The following CD2AP variants were observed in gnomAD, a reference collection of about 807,000 sequenced individuals.
CD2AP encodes the protein CD2-associated protein.
CD2AP carries 46 observed loss-of-function variants against 85.1 expected under a neutral mutation model. The observed-to-expected ratio is 0.54, with a 90% CI of 0.43 to 0.69. CD2AP has a LOEUF of 0.69. CD2AP is among the 30% of genes least tolerant of loss of function. The pLI, the probability that CD2AP is intolerant of heterozygous loss-of-function variation, is 0.00. For synonymous variants in CD2AP, 255 were observed against 252.9 expected (o/e 1.01, Z -0.08); for missense variants, 769 against 729.5 (o/e 1.05, Z -0.62).
intron 2 of CD2AP, among the ~76,000 whole-genome samples, chr6:47,527,595 A>G (rs1040138763): frequency 6.6e-6 from 1 of 152,200 alleles, no homozygotes; most frequent in African/African-American, 2.4e-5. Flanking sequence ...ATGAATTGAT[A>G]TGCTAGCTTG....
chr6:47,535,691 CTGA>C (rs1182008918), intron 3 of CD2AP, among the ~76,000 whole-genome samples: 3 of 152,166 alleles, frequency 2.0e-5, no homozygotes, highest in African/African-American at 4.8e-5. Flanking sequence ...TTCAGCAGTT[CTGA>C]TGATGATGAA....
intron 2 of CD2AP, among the ~76,000 whole-genome samples, chr6:47,515,482 T>C (rs1300756258): frequency 6.6e-6 from 1 of 152,226 alleles, no homozygotes. Flanking sequence ...TTCTCATGTC[T>C]TTGAAAATTA....
chr6:47,576,428 T>A lies in CD2AP; in HGVS notation c.730-96T>A, dbSNP rs1439144582. 3 of 844,650 alleles carry A rather than the reference T, an allele frequency of 3.6e-6. No homozygotes were observed. In the Admixed American group the frequency reaches 5.2e-5, roughly 15 times the overall value. The allele number at this position is 844,650 out of a possible 1,614,324, so 52.3% of individuals were successfully genotyped here. A position where few individuals can be genotyped will look rare whatever the true frequency, so the allele number is the denominator to read the frequency against. On this transcript the variant is annotated intron_variant, in intron 6 of 17. Coordinates refer to ENST00000359314, the MANE Select transcript of CD2AP (RefSeq NM_012120.3). Reference sequence around the variant, plus strand: ...ATTACTATCCTAGCTATAAGTACCATTAGGGAAAGCTGGGTAACTGTAAAT... The same window carrying A: ...ATTACTATCCTAGCTATAAGTACCAATAGGGAAAGCTGGGTAACTGTAAAT...
At chr6:47,560,194 CTT>C in intron 5 of CD2AP, among the ~76,000 whole-genome samples, 1 of 152,238 alleles carries the variant, frequency 6.6e-6, no homozygotes, top group East Asian at 1.9e-4. Context: ...CATTTGCTAA[CTT>C]ATCATTCACC....
chr6:47,523,989 T>G (rs1188522192), intron 2 of CD2AP, among the ~76,000 whole-genome samples: 1 of 152,216 alleles, frequency 6.6e-6, no homozygotes, highest in African/African-American at 2.4e-5. Context: ...CTTTAAAGAC[T>G]GTTTCCTATA....
intron 2 of CD2AP, among the ~76,000 whole-genome samples, chr6:47,533,362 G>T (rs1160931685): frequency 1.3e-5 from 2 of 152,058 alleles, no homozygotes; most frequent in Non-Finnish European, 2.9e-5. Flanking sequence ...TCGGGGTGGG[G>T]TTTGAGCCTC....
intron 17 of CD2AP, 49 bp downstream of exon 17, chr6:47,612,585 A>G (rs769628039): frequency 3.7e-6 from 5 of 1,352,978 alleles, no homozygotes; most frequent in South Asian, 3.6e-5. Context: ...TAAACTGGAC[A>G]TGTTTTTCCC....
intron 4 of CD2AP, among the ~76,000 whole-genome samples, chr6:47,549,076 G>T (rs202167003): frequency 1.3e-5 from 2 of 152,058 alleles, no homozygotes; most frequent in African/African-American, 4.8e-5. Context: ...AGCCGTCTAT[G>T]CAAAACCACA....
chr6:47,560,183 C>T (rs1347385311), intron 5 of CD2AP, among the ~76,000 whole-genome samples: 1 of 152,086 alleles, frequency 6.6e-6, no homozygotes, highest in Non-Finnish European at 1.5e-5. Context: ...ACATTTCACC[C>T]CATTTGCTAA....
At chr6:47,544,911 A>G in intron 4 of CD2AP, 2 of 480,038 alleles carry the variant, frequency 4.2e-6, no homozygotes. Flanking sequence ...GCCCCCTTAA[A>G]GCTAAAAATT....
At chr6:47,593,125 T>C (rs1768847100) in intron 11 of CD2AP, among the ~76,000 whole-genome samples, 1 of 152,140 alleles carries the variant, frequency 6.6e-6, no homozygotes, top group Non-Finnish European at 1.5e-5. Context: ...AGATAATTGG[T>C]TGTTGTGGGA....
At chr6:47,541,134 T>A (rs183013420) in intron 3 of CD2AP, among the ~76,000 whole-genome samples, 12 of 152,346 alleles carry the variant, frequency 7.9e-5, no homozygotes, top group African/African-American at 2.6e-4. Context: ...TCCTTTTTTT[T>A]ATTTTTTGAG....
At chr6:47,620,348 G>T (rs1769711686) in intron 17 of CD2AP, among the ~76,000 whole-genome samples, 1 of 152,154 alleles carries the variant, frequency 6.6e-6, no homozygotes, top group Non-Finnish European at 1.5e-5. Flanking sequence ...CTTTGTCGAG[G>T]ATCAGTTGGC....
intron 11 of CD2AP, among the ~76,000 whole-genome samples, chr6:47,592,981 G>A (rs1003217649): frequency 6.6e-6 from 1 of 152,084 alleles, no homozygotes; most frequent in South Asian, 2.1e-4. Flanking sequence ...AAGTACGAGA[G>A]GACAGGACTT....
chr6:47,529,319 T>C (rs2114019061), intron 2 of CD2AP, among the ~76,000 whole-genome samples: 1 of 152,036 alleles, frequency 6.6e-6, no homozygotes, highest in African/African-American at 2.4e-5. Flanking sequence ...CTGGGGCCAC[T>C]GTCTGTGGAG....
At chr6:47,544,837 T>G in intron 4 of CD2AP, 131 bp downstream of exon 4, 1 of 656,704 alleles carries the variant, frequency 1.5e-6, no homozygotes, top group Non-Finnish European at 2.7e-6. Flanking sequence ...GGTATAGAGT[T>G]TCTTTACTCA....
intron 1 of CD2AP, among the ~76,000 whole-genome samples, chr6:47,491,283 G>A (rs963526700): frequency 4.0e-5 from 6 of 148,326 alleles, no homozygotes; most frequent in African/African-American, 1.5e-4. Flanking sequence ...GTGTGTGTGT[G>A]TGTGTGTGTG....
At chr6:47,505,692 T>C (rs1766134448) in intron 2 of CD2AP, among the ~76,000 whole-genome samples, 1 of 69,480 alleles carries the variant, frequency 1.4e-5, no homozygotes, top group South Asian at 6.2e-4. Flanking sequence ...CCCATCTCCC[T>C]CCCGGACGGG....
intron 10 of CD2AP, 35 bp from the exon 11 acceptor site, chr6:47,581,968 T>A (rs755818923): frequency 7.2e-6 from 10 of 1,382,500 alleles, no homozygotes; most frequent in Non-Finnish European, 1.0e-5. Context: ...TTTAAAACTG[T>A]CTTCTTAAAA....
Sources: allele counts gnomAD v4.1 joint callset (sites outside exome capture counted in the v4.1 genomes callset), GRCh38; gene constraint gnomAD v4.1.1; transcripts MANE v1.5; gene names NCBI Gene and HGNC (gene_info 2026-07-23, HGNC 2026-07-21).